STARD9: variants seen among roughly 807,000 people sequenced by gnomAD.
The protein encoded by STARD9 is StAR related lipid transfer domain containing 9.
In STARD9, 346 loss-of-function variants were observed where a neutral mutation model predicts 399.8. That is an observed-to-expected ratio of 0.87 (90% CI 0.79 to 0.95). The LOEUF is 0.95. Ranked by LOEUF, STARD9 falls within the 40% of genes least tolerant of loss-of-function variation. STARD9 has a pLI of 0.00. For synonymous variants in STARD9, 2,203 were observed against 2,143.5 expected (o/e 1.03, Z -0.77); for missense variants, 5,832 against 5,667.5 (o/e 1.03, Z -0.93).
intron 26 of STARD9, among the ~76,000 whole-genome samples, chr15:42,716,285 A>G (rs1440855518): frequency 6.6e-6 from 1 of 151,964 alleles, no homozygotes; most frequent in African/African-American, 2.4e-5. Context: ...CATCTTCCAC[A>G]TTTATTACCC....
At chr15:42,602,146 G>A (rs2058642943) in intron 3 of STARD9, among the ~76,000 whole-genome samples, 1 of 152,232 alleles carries the variant, frequency 6.6e-6, no homozygotes, top group South Asian at 2.1e-4. Flanking sequence ...ACCCAGCCTA[G>A]AGCAAATTTT....
rs1209836821 is a variant in STARD9 at position 42,674,908 on chromosome 15, G to C, written c.1631G>C (p.Gly544Ala). 4 of 1,537,058 alleles carry C rather than the reference G, an allele frequency of 2.6e-6. No homozygotes were observed. Among genetic ancestry groups the C allele is most frequent in the African/African-American group, 2.7e-5 (2 of 73,146 alleles). The change falls in exon 18 of 33, where the codon GGG (glycine) becomes GCG (alanine). Residue 544 changes from glycine to alanine, a missense_variant. Coordinates refer to ENST00000290607, the MANE Select transcript of STARD9 (RefSeq NM_020759.3). ...CGVVVLRPAR[G>A]ARCTVNGREV... ...GTAGTTGTTCTACGACCTGCCCGTG[G>C]GGCCCGCTGTACAGTCAATGGCCGG...
chr15:42,681,591 A>T lies in STARD9; in HGVS notation c.2044A>T (p.Ile682Phe). The change falls in exon 21 of 33, where the codon ATT becomes TTT. Residue 682 changes from isoleucine to phenylalanine, a missense_variant. Physicochemically the swap from Ile to Phe is conservative, Grantham distance 21. Transcript: ENST00000290607. ...AKELEFDQAW[I>F]SQQIKENQQC... is the part of the protein sequence containing the mutation. The stretch of plus-strand genomic sequence containing the variant: ...GGAACTGGAATTTGACCAAGCTTGG[A>T]TTAGCCAGCAGATTAAAGAAAGTAG... 1 of 1,537,018 alleles carries T rather than the reference A, an allele frequency of 6.5e-7. No homozygotes were observed. Among genetic ancestry groups the T allele is most frequent in the Non-Finnish European group, 8.7e-7 (1 of 1,146,808 alleles).
chr15:42,582,217 T>C (rs2058187600), intron 1 of STARD9, among the ~76,000 whole-genome samples: 1 of 152,198 alleles, frequency 6.6e-6, no homozygotes, highest in African/African-American at 2.4e-5. Flanking sequence ...CTCTAGGTCA[T>C]AGCCTGGGAA....
intron 20 of STARD9, among the ~76,000 whole-genome samples, chr15:42,680,175 A>T (rs901575060): frequency 6.6e-6 from 1 of 152,182 alleles, no homozygotes; most frequent in African/African-American, 2.4e-5. Flanking sequence ...CAGAAAAAGC[A>T]TTTGAGGTCC....
rs1418340968 is a variant in STARD9 at position 42,703,756 on chromosome 15, A to G, written c.13284+7876A>G. Among the ~76,000 whole-genome samples, 5 of 150,762 alleles carry G rather than the reference A, an allele frequency of 3.3e-5. No individual in the cohort carries two copies. The South Asian group carries it at 1.1e-3, about 32-fold the overall frequency. The stretch of plus-strand genomic sequence containing the variant: ...ATTCTTTTTTTCTTTCCTCCTCTGT[A>G]TTTTCAAATATCCTGTCTTTGAGCT... On this transcript the variant is annotated intron_variant, in intron 26 of 32. Transcript: ENST00000290607.
Position 42,694,546 on chromosome 15 carries a change from G to T in STARD9, c.12783G>T (p.Glu4261Asp). 6.5e-7 allele frequency: 1 copy of T among 1,537,228 alleles called. No homozygotes were observed. The highest frequency in any genetic ancestry group is 8.7e-7 in the Non-Finnish European group (1 of 1,146,916). ...ELYARQKKAI[E>D]TLRRERAERL... ...GCCTCAGGCAAAAAAAGGCCATTGA[G>T]ACCCTCAGGAGAGAGCGGGCTGAGC... The change falls in exon 24 of 33, where the codon GAG (glutamate) becomes GAT (aspartate). Residue 4261 changes from glutamate to aspartate, a missense_variant. Glu to Asp is a conservative substitution (Grantham distance 45, BLOSUM62 2). This residue lies in a region of STARD9 where 5,828 missense variants were observed against 5,651.1 expected (regional missense o/e 1.03). Transcript: ENST00000290607.
rs747419175 is a variant in STARD9, at chr15:42,688,299, G to A, written c.6721G>A (p.Gly2241Arg). Residue 2241 changes from glycine to arginine, a missense_variant, in exon 23 of 33, where the codon GGA becomes AGA. Transcript: ENST00000290607. Reference protein sequence around the residue: ...ASLKGQPWGLGSLEELETVKG... With the variant: ...ASLKGQPWGLRSLEELETVKG... Reference sequence around the variant, plus strand: ...TCTCAAAGGGCAGCCTTGGGGCTTAGGAAGTCTTGAGGAATTGGAGACTGT... The same window carrying A: ...TCTCAAAGGGCAGCCTTGGGGCTTAAGAAGTCTTGAGGAATTGGAGACTGT... The A allele has an allele frequency of 6.5e-7, 1 of 1,537,542 alleles. No individual in the cohort carries two copies. Among genetic ancestry groups the A allele is most frequent in the South Asian group, 1.2e-5 (1 of 84,058 alleles).
At chr15:42,659,002 G>T (rs762689436) in intron 9 of STARD9, among the ~76,000 whole-genome samples, 7 of 152,022 alleles carry the variant, frequency 4.6e-5, no homozygotes, top group Non-Finnish European at 7.4e-5. Context: ...AATCCCAGCT[G>T]CTCAGGAGGC....
chr15:42,707,233 G>T (rs2061107848), intron 26 of STARD9, among the ~76,000 whole-genome samples: 1 of 152,156 alleles, frequency 6.6e-6, no homozygotes, highest in Non-Finnish European at 1.5e-5. Flanking sequence ...TGAGGATATT[G>T]GAACCATTAC....
intron 16 of STARD9, 80 bp from the exon 17 acceptor site, chr15:42,674,360 A>G: frequency 8.9e-7 from 1 of 1,118,026 alleles, no homozygotes; most frequent in South Asian, 1.3e-5. Context: ...GACAGTGAGA[A>G]TATTCTAATG....
chr15:42,710,781 G>A (rs1309687318), intron 26 of STARD9, among the ~76,000 whole-genome samples: 1 of 152,150 alleles, frequency 6.6e-6, no homozygotes, highest in African/African-American at 2.4e-5. Context: ...CTGGGAGAAG[G>A]ATCTGCTCCA....
At chr15:42,707,532 C>T (rs1020541408) in intron 26 of STARD9, among the ~76,000 whole-genome samples, 2 of 149,652 alleles carry the variant, frequency 1.3e-5, no homozygotes, top group Non-Finnish European at 3.0e-5. Flanking sequence ...TGCAGTGGCA[C>T]GATCTCGGCT....
At chr15:42,707,274 G>T (rs1431093266) in intron 26 of STARD9, among the ~76,000 whole-genome samples, 1 of 152,274 alleles carries the variant, frequency 6.6e-6, no homozygotes, top group East Asian at 1.9e-4. Flanking sequence ...TGTTTGCATA[G>T]GTTATGAGAG....
chr15:42,585,586 C>A lies in STARD9; in HGVS notation c.183C>A (p.Tyr61Ter). ...REKVMAFGFD[Y>*]CYWSVNPEDP... ...AGGTTATGGCATTTGGCTTTGATTA[C>A]TGCTACTGGTCAGTCAACCCAGAGG... The change falls in exon 3 of 33, where the codon TAC becomes TAA. Residue 61 changes from tyrosine to a stop codon, truncating the protein, a stop_gained. Coordinates refer to ENST00000290607, the MANE Select transcript of STARD9 (RefSeq NM_020759.3). LOFTEE classifies it high-confidence loss of function. 6.5e-7 allele frequency: 1 copy of A among 1,537,184 alleles called. No individual in the cohort carries two copies. The highest frequency in any genetic ancestry group is 8.7e-7 in the Non-Finnish European group (1 of 1,146,854).
intron 21 of STARD9, 72 bp from the exon 22 acceptor site, chr15:42,682,032 G>A (rs2060441600): frequency 2.0e-6 from 2 of 1,011,792 alleles, no homozygotes; most frequent in South Asian, 1.6e-5. Context: ...ATGGCTGGAG[G>A]TATCTGAGTC....
At chr15:42,578,625 G>T (rs1353140341) in intron 1 of STARD9, among the ~76,000 whole-genome samples, 183 of 138,386 alleles carry the variant, frequency 1.3e-3, no homozygotes, top group South Asian at 2.7e-3. Context: ...GTATAGCTTT[G>T]TTTTTTTTTT....
intron 26 of STARD9, among the ~76,000 whole-genome samples, chr15:42,701,113 G>T (rs886165101): frequency 2.0e-5 from 3 of 152,234 alleles, no homozygotes; most frequent in African/African-American, 7.2e-5. Flanking sequence ...TTTAGTCTGT[G>T]TGTCAGTTTT....
chr15:42,610,405 C>T lies in STARD9; in HGVS notation c.235-24451C>T, dbSNP rs193223759. Among the ~76,000 whole-genome samples the T allele has an allele frequency of 3.3e-3, 509 of 152,276 alleles. 2 individuals carry two copies. Among genetic ancestry groups the T allele is most frequent in the Middle Eastern group, 0.02 (6 of 294 alleles). ...TCAGCAACATTGGAGATGGGTTGTT[C>T]TCTCAGTTGGGCCCTAGAGAAGCTG... On this transcript the variant is annotated intron_variant, in intron 3 of 32. Coordinates refer to ENST00000290607, the MANE Select transcript of STARD9 (RefSeq NM_020759.3).
Sources: gnomAD v4.1 joint callset for allele counts (sites outside exome capture counted in the v4.1 genomes callset) on GRCh38, gnomAD v4.1.1 for gene constraint, gnomAD v4.1.1 regional missense constraint, MANE v1.5 for transcripts, NCBI Gene and HGNC (gene_info 2026-07-23, HGNC 2026-07-21) for gene names.